KAT6B: variants seen among roughly 807,000 people sequenced by gnomAD.
The protein encoded by KAT6B is lysine acetyltransferase 6B.
KAT6B carries 10 observed loss-of-function variants against 187.5 expected under a neutral mutation model. The observed-to-expected ratio is 0.05, with a 90% confidence interval of 0.03 to 0.09. The LOEUF is 0.09. Among genes scored for constraint, KAT6B ranks in the 10% least tolerant of loss-of-function variants. The pLI is 1.00. For missense variants in KAT6B, 1,952 were observed against 2,558.9 expected, an observed-to-expected ratio of 0.76 and a Z score of 5.12; for synonymous variants, 861 against 926.8, an observed-to-expected ratio of 0.93 and a Z score of 1.29.
intron 13 of KAT6B, among the ~76,000 whole-genome samples, chr10:75,007,113 C>T (rs979405984): frequency 7.3e-5 from 11 of 150,736 alleles, no homozygotes; most frequent in African/African-American, 2.7e-4. Flanking sequence ...TAAAATATAA[C>T]CATTTTGTAA....
At chr10:75,016,248 T>G (rs1030543387) in intron 13 of KAT6B, among the ~76,000 whole-genome samples, 1 of 152,226 alleles carries the variant, frequency 6.6e-6, no homozygotes, top group African/African-American at 2.4e-5. Context: ...AACTCAGGGC[T>G]AGTTAACATG....
intron 12 of KAT6B, 125 bp downstream of exon 12, chr10:74,985,366 C>G: frequency 1.0e-6 from 1 of 1,000,954 alleles, no homozygotes; most frequent in Admixed American, 2.2e-5. Context: ...TTGAAAAGCT[C>G]AGGTTCTTGT....
At chr10:74,887,286 T>C (rs1038626996) in intron 3 of KAT6B, among the ~76,000 whole-genome samples, 1 of 152,076 alleles carries the variant, frequency 6.6e-6, no homozygotes, top group Non-Finnish European at 1.5e-5. Flanking sequence ...GACTGAGCCA[T>C]GGATAGTGGG....
At chr10:74,858,905 A>G (rs1564525802) in intron 3 of KAT6B, among the ~76,000 whole-genome samples, 3 of 150,800 alleles carry the variant, frequency 2.0e-5, no homozygotes, top group African/African-American at 7.3e-5. Flanking sequence ...CGGTGAGCCA[A>G]TATTGTGCCA....
At chr10:74,941,877 C>G (rs186142614) in intron 3 of KAT6B, among the ~76,000 whole-genome samples, 2 of 152,298 alleles carry the variant, frequency 1.3e-5, no homozygotes, top group African/African-American at 4.8e-5. Flanking sequence ...GGCCGGGTGC[C>G]ACGGCTGTAA....
intron 3 of KAT6B, among the ~76,000 whole-genome samples, chr10:74,949,769 T>C (rs776148471): frequency 1.3e-5 from 2 of 152,234 alleles, no homozygotes; most frequent in Non-Finnish European, 2.9e-5. Flanking sequence ...CATTTATATC[T>C]TTTTTTGTTT....
At chr10:75,014,365 T>C (rs186086570) in intron 13 of KAT6B, among the ~76,000 whole-genome samples, 1 of 152,304 alleles carries the variant, frequency 6.6e-6, no homozygotes, top group Admixed American at 6.5e-5. Context: ...TCTAACTGGC[T>C]TCTCTTAAGC....
chr10:74,830,437 T>C (rs770509030), intron 1 of KAT6B, among the ~76,000 whole-genome samples: 11 of 151,970 alleles, frequency 7.2e-5, no homozygotes, highest in Non-Finnish European at 1.3e-4. Flanking sequence ...AGGGTGACCA[T>C]TTGTCCTGGT....
At chr10:75,005,834 C>CT (rs765101367) in intron 13 of KAT6B, among the ~76,000 whole-genome samples, 10 of 151,868 alleles carry the variant, frequency 6.6e-5, no homozygotes, top group Non-Finnish European at 1.5e-4. Context: ...TAGAGGAACG[C>CT]TTTTTTTCAG....
chr10:74,979,213 C>G lies in KAT6B; in HGVS notation c.2116-11C>G, dbSNP rs768427499. 2.5e-6 allele frequency: 4 copies of G among 1,582,928 alleles called. No homozygotes were observed. Among genetic ancestry groups the G allele is most frequent in the East Asian group, 2.2e-5 (1 of 44,716 alleles). On this transcript the variant is annotated splice_polypyrimidine_tract_variant and intron_variant, in intron 9 of 17. Transcript: ENST00000287239. The stretch of plus-strand genomic sequence containing the variant: ...ATATATTATTATTTTCCTTTTCTTT[C>G]TATTTGACAGAAAATAGAGTGTGAG...
In KAT6B at chr10:75,026,437, G is replaced by A. The variant is rs1014815854; in HGVS notation, c.3664+1188G>A. Among the ~76,000 whole-genome samples, 4 of 152,158 alleles carry A rather than the reference G, an allele frequency of 2.6e-5. No individual in the cohort carries two copies. The East Asian group carries it at 7.7e-4, about 29-fold the overall frequency. On this transcript the variant is annotated intron_variant, in intron 17 of 17. Coordinates refer to ENST00000287239, the MANE Select transcript of KAT6B (RefSeq NM_012330.4). Reference sequence around the variant, plus strand: ...TCTATTCAGAACTTACTTTAATCTGGGGAACAGGCCATCTCATTTCCCTGG... The same window carrying A: ...TCTATTCAGAACTTACTTTAATCTGAGGAACAGGCCATCTCATTTCCCTGG...
intron 4 of KAT6B, among the ~76,000 whole-genome samples, chr10:74,963,433 G>A (rs1841240709): frequency 6.6e-6 from 1 of 152,138 alleles, no homozygotes; most frequent in Non-Finnish European, 1.5e-5. Context: ...CAAAATTACA[G>A]CATCATTCTA....
At chr10:74,927,743 A>T (rs933241546) in intron 3 of KAT6B, among the ~76,000 whole-genome samples, 2 of 152,154 alleles carry the variant, frequency 1.3e-5, no homozygotes, top group African/African-American at 4.8e-5. Flanking sequence ...CCACCGCTGC[A>T]GTAGGGTCAG....
chr10:74,926,755 G>A (rs12250104), intron 3 of KAT6B, among the ~76,000 whole-genome samples: 3,736 of 152,236 alleles, frequency 0.025, 157 homozygotes, highest in African/African-American at 0.085. Flanking sequence ...ACCACTTCAC[G>A]TGGAGGCATG....
chr10:74,962,973 G>A (rs1039766016), intron 4 of KAT6B, among the ~76,000 whole-genome samples: 2 of 152,072 alleles, frequency 1.3e-5, no homozygotes, highest in South Asian at 2.1e-4. Flanking sequence ...GTTCTCTTCC[G>A]CCACTTGCTG....
Position 75,021,919 on chromosome 10 carries a change from G to A in KAT6B, c.3060G>A (p.Lys1020=). ...RLMEQASCWE[K]EEQEILSTRA... is the part of the protein sequence containing the mutation. Reference sequence around the variant, plus strand: ...TGGAACAAGCTAGCTGCTGGGAGAAGGAGGAACAAGAAATCCTGTCAACTA... The same window carrying A: ...TGGAACAAGCTAGCTGCTGGGAGAAAGAGGAACAAGAAATCCTGTCAACTA... Residue 1020 remains lysine (K), a synonymous_variant, in exon 16 of 18, where the codon AAG becomes AAA. Transcript: ENST00000287239. The A allele has an allele frequency of 1.2e-6, 2 of 1,614,192 alleles. No homozygotes were observed. Among genetic ancestry groups the A allele is most frequent in the Non-Finnish European group, 1.7e-6 (2 of 1,180,034 alleles).
At chr10:75,025,570 C>CT (rs969484133) in intron 17 of KAT6B, 1,408 of 263,574 alleles carry the variant, frequency 5.3e-3, no homozygotes, top group Middle Eastern at 9.9e-3. Flanking sequence ...CTAATATGTA[C>CT]TTTTTTTTTT....
chr10:74,983,190 CTGGTTAGTTCTT>C (rs1319554616), intron 11 of KAT6B: 2 of 152,208 alleles, frequency 1.3e-5, no homozygotes, highest in Non-Finnish European at 2.9e-5. Flanking sequence ...ACATTTCAAG[CTGGTTAGTTCTT>C]TGTTGTAGGG....
intron 17 of KAT6B, among the ~76,000 whole-genome samples, chr10:75,027,358 G>A (rs1489575370): frequency 6.6e-6 from 1 of 152,150 alleles, no homozygotes; most frequent in African/African-American, 2.4e-5. Flanking sequence ...ATCAGCCAGT[G>A]CTTACTCTGC....
Sources: gnomAD v4.1 joint callset for allele counts (sites outside exome capture counted in the v4.1 genomes callset) on GRCh38, gnomAD v4.1.1 for gene constraint, MANE v1.5 for transcripts, NCBI Gene and HGNC (gene_info 2026-07-23, HGNC 2026-07-21) for gene names.